Variants in SNTG1 observed in about 807,000 individuals in gnomAD.
The protein encoded by SNTG1 is gamma-1-syntrophin.
In SNTG1, 39 loss-of-function variants were observed where a neutral mutation model predicts 74.7. The observed-to-expected ratio is 0.52, with a 90% CI of 0.40 to 0.68. The LOEUF is 0.68. Ranked by LOEUF, SNTG1 falls within the 30% of genes least tolerant of loss-of-function variation. The pLI, the probability that SNTG1 is intolerant of heterozygous loss-of-function variation, is 0.00. For missense variants in SNTG1, 685 were observed against 609.5 expected (o/e 1.12, Z -1.30); for synonymous variants, 254 against 217.1 (o/e 1.17, Z -1.49).
intron 4 of SNTG1, among the ~76,000 whole-genome samples, chr8:50,428,166 T>G (rs762792335): frequency 2.4e-4 from 36 of 152,108 alleles, no homozygotes; most frequent in Non-Finnish European, 4.6e-4. Flanking sequence ...AAAAATTAGT[T>G]GAGCATGGTG....
chr8:49,936,466 T>C lies in SNTG1; in HGVS notation c.-103+24235T>C, dbSNP rs182797493. ...TATCACTCACGTTTGGTAACTAAAATACAAATTGTCAAATTGGTTCAAATA... is the reference window on the plus strand; with the variant it reads ...TATCACTCACGTTTGGTAACTAAAACACAAATTGTCAAATTGGTTCAAATA... On this transcript the variant is annotated intron_variant, in intron 1 of 18. Coordinates refer to ENST00000642720, the MANE Select transcript of SNTG1 (RefSeq NM_018967.5). Among the ~76,000 whole-genome samples the C allele has an allele frequency of 1.3e-4, 20 of 152,272 alleles. 1 individual carries two copies. The highest frequency in any genetic ancestry group is 3.9e-4 in the African/African-American group (16 of 41,558).
At position 50,085,096 on chromosome 8, in the gene SNTG1, G is replaced by T. The variant is rs564416066; in HGVS notation, c.-102-87465G>T. 1.8e-3 allele frequency among the ~76,000 whole-genome samples: 278 copies of T among 152,322 alleles called. 7 individuals are homozygous for T. The highest frequency in any genetic ancestry group is 1.2e-3 in the South Asian group (6 of 4,828). ...CAAGAGCAGGAAGCTGGTATGCTTT[G>T]TCTTCTCCAGGTAATCCTATCTGTC... On this transcript the variant is annotated intron_variant, in intron 1 of 18. Transcript: ENST00000642720.
intron 13 of SNTG1, among the ~76,000 whole-genome samples, chr8:50,612,023 G>T (rs888858626): frequency 8.5e-5 from 13 of 152,094 alleles, no homozygotes; most frequent in African/African-American, 2.7e-4. Flanking sequence ...CTCCCAAAGT[G>T]CTGGGATTGC....
intron 9 of SNTG1, among the ~76,000 whole-genome samples, chr8:50,521,433 C>A (rs1169369058): frequency 4.6e-5 from 7 of 151,864 alleles, no homozygotes; most frequent in Admixed American, 4.6e-4. Context: ...ATAATTTTTG[C>A]TAAAACATGC....
chr8:50,031,775 G>T (rs1817756436), intron 1 of SNTG1, among the ~76,000 whole-genome samples: 1 of 151,714 alleles, frequency 6.6e-6, no homozygotes, highest in Non-Finnish European at 1.5e-5. Context: ...GAATAATATT[G>T]TCCGAAGTTT....
intron 2 of SNTG1, among the ~76,000 whole-genome samples, chr8:50,213,114 C>T (rs1429376060): frequency 6.6e-6 from 1 of 152,204 alleles, no homozygotes; most frequent in East Asian, 1.9e-4. Context: ...AGTAGACACA[C>T]ATCATCACTT....
intron 2 of SNTG1, among the ~76,000 whole-genome samples, chr8:50,337,069 G>A (rs184420620): frequency 6.6e-6 from 1 of 152,032 alleles, no homozygotes; most frequent in Non-Finnish European, 1.5e-5. Context: ...TTTTTTCCCT[G>A]CATTGCATCA....
At chr8:50,390,553 C>T (rs1367880776) in intron 2 of SNTG1, among the ~76,000 whole-genome samples, 5 of 152,174 alleles carry the variant, frequency 3.3e-5, no homozygotes, top group Admixed American at 6.5e-5. Context: ...GCAATGCTGG[C>T]TCTTGTTTGC....
chr8:50,666,426 G>T (rs1463229999), intron 15 of SNTG1, among the ~76,000 whole-genome samples: 2 of 152,082 alleles, frequency 1.3e-5, no homozygotes, highest in Non-Finnish European at 2.9e-5. Context: ...GTTTATGTAG[G>T]TGAATGCCCT....
intron 12 of SNTG1, among the ~76,000 whole-genome samples, chr8:50,586,524 A>C (rs1320671865): frequency 6.6e-6 from 1 of 152,054 alleles, no homozygotes; most frequent in Admixed American, 6.6e-5. Flanking sequence ...TCCTTATGCC[A>C]TTGTCTCTGC....
At chr8:49,979,063 A>T (rs1362570049) in intron 1 of SNTG1, among the ~76,000 whole-genome samples, 1 of 152,228 alleles carries the variant, frequency 6.6e-6, no homozygotes, top group African/African-American at 2.4e-5. Context: ...AAATCATTCT[A>T]TTTCGGTACA....
chr8:50,550,190 C>A (rs1462901417), intron 11 of SNTG1, among the ~76,000 whole-genome samples: 1 of 152,128 alleles, frequency 6.6e-6, no homozygotes, highest in Admixed American at 6.6e-5. Context: ...CCACTCTGGC[C>A]CTCTATATGG....
At chr8:50,269,135 C>A (rs760359688) in intron 2 of SNTG1, among the ~76,000 whole-genome samples, 1 of 152,068 alleles carries the variant, frequency 6.6e-6, no homozygotes, top group Non-Finnish European at 1.5e-5. Context: ...TAAAACTATT[C>A]AACTTAAAGA....
In SNTG1 at chr8:50,764,000, AAT is replaced by A. The variant is rs560112721; in HGVS notation, c.1395+11891_1395+11892del. 1.1e-4 allele frequency among the ~76,000 whole-genome samples: 16 copies of A among 151,326 alleles called. No individual in the cohort carries two copies. In the East Asian group the frequency reaches 2.6e-3, roughly 25 times the overall value. On this transcript the variant is annotated intron_variant, in intron 18 of 18. Transcript: ENST00000642720. ...ATAGACACACTGACCAATGAAACAA[AAT>A]AGAGAGGCCAGAAAAGAACCTGTGT...
intron 2 of SNTG1, among the ~76,000 whole-genome samples, chr8:50,220,059 G>A (rs2084985455): frequency 6.6e-6 from 1 of 151,968 alleles, no homozygotes; most frequent in African/African-American, 2.4e-5. Flanking sequence ...TGACATATCT[G>A]GAATTAACTT....
chr8:50,759,998 T>C (rs886200240), intron 18 of SNTG1, among the ~76,000 whole-genome samples: 4 of 152,260 alleles, frequency 2.6e-5, no homozygotes, highest in Non-Finnish European at 4.4e-5. Context: ...TTCCCATTTG[T>C]TTGTGTCCTC....
At chr8:50,484,749 C>T (rs984587116) in intron 8 of SNTG1, among the ~76,000 whole-genome samples, 2 of 149,292 alleles carry the variant, frequency 1.3e-5, no homozygotes, top group Non-Finnish European at 2.9e-5. Context: ...ACCCCAGCTA[C>T]TTGGGAGGCT....
chr8:50,125,827 T>C (rs1215281382), intron 1 of SNTG1, among the ~76,000 whole-genome samples: 1 of 152,204 alleles, frequency 6.6e-6, no homozygotes. Flanking sequence ...GCTGATCGTA[T>C]GGCATGCTAT....
rs567068419 is a variant in SNTG1, at chr8:49,996,946, G to T, written c.-103+84715G>T. 9.2e-5 allele frequency among the ~76,000 whole-genome samples: 14 copies of T among 152,192 alleles called. No individual in the cohort carries two copies. The South Asian group carries it at 2.9e-3, about 32-fold the overall frequency. On this transcript the variant is annotated intron_variant, in intron 1 of 18. Coordinates refer to ENST00000642720, the MANE Select transcript of SNTG1 (RefSeq NM_018967.5). ...GAATCTTGAGGTCCAATAGTAAGACGATTTGAACTTGTTTTATGCTATTTA... is the reference window on the plus strand; with the variant it reads ...GAATCTTGAGGTCCAATAGTAAGACTATTTGAACTTGTTTTATGCTATTTA...
Sources: allele counts gnomAD v4.1 joint callset (sites outside exome capture counted in the v4.1 genomes callset), GRCh38; gene constraint gnomAD v4.1.1; transcripts MANE v1.5; gene names NCBI Gene and HGNC (gene_info 2026-07-23, HGNC 2026-07-21).